The following SCUBE1 variants were observed in gnomAD, a reference collection of about 807,000 sequenced individuals.
The protein encoded by SCUBE1 is signal peptide, CUB domain and EGF like domain containing 1.
In SCUBE1, 59 loss-of-function variants were observed where a neutral mutation model predicts 124.4. The ratio of observed to expected loss-of-function variants is 0.47; its 90% CI spans 0.38 to 0.59. SCUBE1 has a LOEUF of 0.59. Ranked by LOEUF, SCUBE1 falls within the 20% of genes least tolerant of loss-of-function variation. The probability of loss-of-function intolerance (pLI) is 0.00; values close to 1 mark genes in which losing one functional copy is unlikely to be tolerated. For missense variants in SCUBE1, 1,150 were observed against 1,371.2 expected (o/e 0.84, Z 2.55); for synonymous variants, 545 against 550.9 (o/e 0.99, Z 0.15).
chr22:43,320,206 C>T lies in SCUBE1; in HGVS notation c.221-141G>A. 5 of 1,010,676 alleles carry T rather than the reference C, an allele frequency of 4.9e-6. No individual in the cohort carries two copies. The South Asian group carries it at 8.1e-5, about 16-fold the overall frequency. The allele number at this position is 1,010,676 out of a possible 1,614,324, so 62.6% of individuals were successfully genotyped here. A position where few individuals can be genotyped will look rare whatever the true frequency, so the allele number is the denominator to read the frequency against. ...TTCAGTCCTCCCTGGGAGCTGAGGA[C>T]TCAAGTATTATAAAAATGCTAATCA... On this transcript the variant is annotated intron_variant, in intron 2 of 21. Coordinates refer to ENST00000360835, the MANE Select transcript of SCUBE1 (RefSeq NM_173050.5).
chr22:43,231,808 G>C lies in SCUBE1; in HGVS notation c.912C>G (p.Phe304Leu). ...DHFCRNTVGSFECGCRKGYKL... is the reference protein window; with the variant it reads ...DHFCRNTVGSLECGCRKGYKL... ...TGTAGCCCTTCCGGCAGCCGCACTCGAAGCTGCCCACGGTGTTGCGGCAGA... is the reference window on the plus strand; with the variant it reads ...TGTAGCCCTTCCGGCAGCCGCACTCCAAGCTGCCCACGGTGTTGCGGCAGA... The change falls in exon 8 of 22, where the codon TTC becomes TTG. Residue 304 changes from phenylalanine (F) to leucine (L), a missense_variant. This residue lies in a region of SCUBE1 where 337 missense variants were observed against 482.1 expected (regional missense o/e 0.70). Coordinates refer to ENST00000360835, the MANE Select transcript of SCUBE1 (RefSeq NM_173050.5). 1 of 1,613,004 alleles carries C rather than the reference G, an allele frequency of 6.2e-7. No homozygotes were observed. Among genetic ancestry groups the C allele is most frequent in the Non-Finnish European group, 8.5e-7 (1 of 1,179,718 alleles).
At position 43,258,806 on chromosome 22, in the gene SCUBE1, T is replaced by C. The variant is rs1034566691; in HGVS notation, c.611-471A>G. On this transcript the variant is annotated intron_variant, in intron 5 of 21. Coordinates refer to ENST00000360835, the MANE Select transcript of SCUBE1 (RefSeq NM_173050.5). This position sits in a 1 kb window ranked among gnomAD's most constrained non-coding sequence, Gnocchi z 5.0. ...AGTTCTGGCAGAGCTTTCCTTCCTC[T>C]GCCTGTCTTGGGGTGTGTGGATGTC... 1.3e-5 allele frequency among the ~76,000 whole-genome samples: 2 copies of C among 152,182 alleles called. No homozygotes were observed. The highest frequency in any genetic ancestry group is 4.8e-5 in the African/African-American group (2 of 41,438).
chr22:43,233,092 C>T (rs113126051), intron 7 of SCUBE1, among the ~76,000 whole-genome samples: 5 of 152,202 alleles, frequency 3.3e-5, no homozygotes, highest in Admixed American at 2.6e-4. Context: ...TGGCCGGGCA[C>T]GGTGGCTCAT....
At chr22:43,227,158 C>A (rs1269359133) in intron 10 of SCUBE1, among the ~76,000 whole-genome samples, 1 of 152,230 alleles carries the variant, frequency 6.6e-6, no homozygotes, top group Non-Finnish European at 1.5e-5. Flanking sequence ...GTGCCTCTGG[C>A]TGACACTGGC....
At chr22:43,245,056 C>A (rs995185509) in intron 6 of SCUBE1, among the ~76,000 whole-genome samples, 2 of 152,274 alleles carry the variant, frequency 1.3e-5, no homozygotes, top group Non-Finnish European at 2.9e-5. Context: ...TGGCTCCCAT[C>A]GCTTTGGGAT....
intron 10 of SCUBE1, among the ~76,000 whole-genome samples, chr22:43,223,943 C>T (rs1922204266): frequency 6.6e-6 from 1 of 152,198 alleles, no homozygotes; most frequent in Admixed American, 6.5e-5. Context: ...CTTCTAGACT[C>T]CCATCAACCT....
intron 3 of SCUBE1, among the ~76,000 whole-genome samples, chr22:43,316,254 G>A (rs1926343671): frequency 6.6e-6 from 1 of 152,146 alleles, no homozygotes; most frequent in Admixed American, 6.5e-5. Context: ...AAAGTGACTG[G>A]CCAAAGGTCA....
chr22:43,322,992 G>A (rs1311211036), intron 2 of SCUBE1, among the ~76,000 whole-genome samples: 1 of 152,124 alleles, frequency 6.6e-6, no homozygotes, highest in African/African-American at 2.4e-5. Flanking sequence ...AATTGCTCAG[G>A]GTCACATAGT....
At chr22:43,229,343 T>C (rs796917071) in intron 8 of SCUBE1, among the ~76,000 whole-genome samples, 155 bp from the exon 9 acceptor site, 12 of 152,276 alleles carry the variant, frequency 7.9e-5, no homozygotes, top group African/African-American at 1.7e-4. Flanking sequence ...AATGGGAGAC[T>C]CCTTGCTGCT....
At position 43,203,274 on chromosome 22, in the gene SCUBE1, C is replaced by T. The variant is rs959735666; in HGVS notation, c.*723G>A. The T allele has an allele frequency of 2.0e-5, 3 of 151,916 alleles. No homozygotes were observed. Among genetic ancestry groups the T allele is most frequent in the Non-Finnish European group, 4.4e-5 (3 of 68,012 alleles). The allele number at this position is 151,916 out of a possible 1,614,324, so 9.4% of individuals were successfully genotyped here. A position where few individuals can be genotyped will look rare whatever the true frequency, so the allele number is the denominator to read the frequency against. ...AGGGAGGCTGATAGCTGCTGGGACT[C>T]ACTGGGCTCATGCGGGAAGGGATGG... is the stretch of plus-strand genomic sequence containing the variant. On this transcript the variant is annotated 3_prime_UTR_variant, in exon 22 of 22. Transcript: ENST00000360835.
intron 3 of SCUBE1, among the ~76,000 whole-genome samples, chr22:43,299,060 A>AG (rs1925672565): frequency 6.6e-6 from 1 of 151,628 alleles, no homozygotes; most frequent in Admixed American, 6.6e-5. Context: ...TCAAAAAAAA[A>AG]AAAAAGAAAA....
chr22:43,309,117 GC>G (rs1926083709), intron 3 of SCUBE1, among the ~76,000 whole-genome samples: 1 of 152,030 alleles, frequency 6.6e-6, no homozygotes, highest in Non-Finnish European at 1.5e-5. Context: ...GCCCAGGCTC[GC>G]CCCCTGCACC....
chr22:43,210,199 T>C lies in SCUBE1; in HGVS notation c.2425A>G (p.Ile809Val), dbSNP rs1457368967. The C allele has an allele frequency of 2.5e-6, 4 of 1,587,340 alleles. No homozygotes were observed. Among genetic ancestry groups the C allele is most frequent in the East Asian group, 2.3e-5 (1 of 44,314 alleles). Residue 809 changes from isoleucine to valine, a missense_variant, in exon 19 of 22, where the codon ATC becomes GTC. Ile to Val is a conservative substitution (Grantham distance 29). Coordinates refer to ENST00000360835, the MANE Select transcript of SCUBE1 (RefSeq NM_173050.5). This position sits in a 1 kb window ranked among gnomAD's most constrained non-coding sequence, Gnocchi z 4.5. ...TCGCCAGGGTAGTTGGGGGACTCGA[T>C]GTAGCCGGTGTAGTCACCAAGCTCG... The part of the protein sequence containing the change: ...GGELGDYTGY[I>V]ESPNYPGDYP...
intron 4 of SCUBE1, chr22:43,276,111 G>C (rs964676240): frequency 6.6e-6 from 1 of 152,556 alleles, no homozygotes; most frequent in Non-Finnish European, 1.5e-5. Flanking sequence ...CCCACTGATG[G>C]GGGACGCGCT....
At chr22:43,220,763 G>C (rs1346792267) in intron 13 of SCUBE1, among the ~76,000 whole-genome samples, 176 bp from the exon 14 acceptor site, 2 of 152,200 alleles carry the variant, frequency 1.3e-5, no homozygotes, top group African/African-American at 4.8e-5. Flanking sequence ...GCTGGTGGCT[G>C]AGCCAGGTCT....
At chr22:43,247,803 GCTC>G in intron 6 of SCUBE1, among the ~76,000 whole-genome samples, 1 of 152,352 alleles carries the variant, frequency 6.6e-6, no homozygotes, top group African/African-American at 2.4e-5. Flanking sequence ...TTACACTTGG[GCTC>G]CTCCTGAGAA....
At chr22:43,291,315 TG>T in intron 3 of SCUBE1, 135 bp from the exon 4 acceptor site, 2 of 922,780 alleles carry the variant, frequency 2.2e-6, no homozygotes, top group Non-Finnish European at 3.3e-6. Flanking sequence ...AGGGCCTCCC[TG>T]GTGCTGTGTG....
chr22:43,261,662 C>T (rs1243310519), intron 5 of SCUBE1, among the ~76,000 whole-genome samples: 1 of 152,184 alleles, frequency 6.6e-6, no homozygotes, highest in Non-Finnish European at 1.5e-5. Context: ...CAGCCTCAGT[C>T]TCTCATTTCC....
chr22:43,341,089 ACACACACACACATGCATGCACGTGTGCG>A (rs1463323868), intron 1 of SCUBE1, among the ~76,000 whole-genome samples: 1 of 152,078 alleles, frequency 6.6e-6, no homozygotes, highest in Non-Finnish European at 1.5e-5. Flanking sequence ...CTGCACACAC[ACACACACACACATGCATGCACGTGTGCG>A]CACACACACG....
Sources: gnomAD v4.1 joint callset for allele counts (sites outside exome capture counted in the v4.1 genomes callset) on GRCh38, gnomAD v4.1.1 for gene constraint, gnomAD v4.1.1 regional missense constraint, Gnocchi (gnomAD v3.1) non-coding constraint, MANE v1.5 for transcripts, NCBI Gene and HGNC (gene_info 2026-07-23, HGNC 2026-07-21) for gene names.